Variants in NEB observed in about 807,000 individuals in gnomAD.
The protein encoded by NEB is nemaline myopathy type 2.
In NEB, 512 loss-of-function variants were observed where a neutral mutation model predicts 952.2. That is an observed-to-expected ratio of 0.54 (90% CI 0.50 to 0.58). NEB has a LOEUF of 0.58. Among genes scored for constraint, NEB ranks in the 20% least tolerant of loss-of-function variants. The pLI is 0.00. For synonymous variants in NEB, 2,900 were observed against 3,149.8 expected (o/e 0.92, Z 2.66); for missense variants, 8,428 against 9,231.1 (o/e 0.91, Z 3.56).
intron 10 of NEB, chr2:151,716,157 T>G (rs1559560131): frequency 2.3e-6 from 1 of 440,382 alleles, no homozygotes; most frequent in Non-Finnish European, 4.5e-6. Flanking sequence ...TTTCTCTTTT[T>G]GAGACAGTTT....
intron 107 of NEB, among the ~76,000 whole-genome samples, chr2:151,573,357 G>A (rs2096713765): frequency 6.6e-6 from 1 of 152,098 alleles, no homozygotes; most frequent in African/African-American, 2.4e-5. Flanking sequence ...AATTTATCAT[G>A]CAAAAGAGAG....
intron 119 of NEB, 54 bp downstream of exon 119, chr2:151,563,552 A>G (rs2096217416): frequency 6.9e-7 from 1 of 1,453,666 alleles, no homozygotes; most frequent in South Asian, 1.1e-5. Flanking sequence ...ACAGGCAGAC[A>G]CGGCAGCACA....
Position 151,531,876 on chromosome 2 carries a change from A to T in NEB, c.21438T>A (p.Tyr7146Ter). Residue 7146 changes from tyrosine to a stop codon, truncating the protein, a stop_gained, in exon 144 of 182, where the codon TAT becomes TAA. Coordinates refer to ENST00000397345, the MANE Select transcript of NEB (RefSeq NM_001164508.2). LOFTEE classifies it high-confidence loss of function. ...MWSQIKYRKN[Y>*]EKSKDKFTSI... The stretch of plus-strand genomic sequence containing the variant: ...AGGTAAATTTGTCCTTTGATTTTTC[A>T]TAGTTTTTCCTGTATTTGATCTAAA... 1 of 1,597,394 alleles carries T rather than the reference A, an allele frequency of 6.3e-7. No individual in the cohort carries two copies. The highest frequency in any genetic ancestry group is 8.5e-7 in the Non-Finnish European group (1 of 1,172,454).
At chr2:151,621,500 T>G (rs1185287803) in intron 71 of NEB, among the ~76,000 whole-genome samples, 2 of 152,226 alleles carry the variant, frequency 1.3e-5, no homozygotes, top group African/African-American at 4.8e-5. Context: ...TCTCTGTTAA[T>G]GTTGATTTGC....
chr2:151,656,277 G>A lies in NEB; in HGVS notation c.6371C>T (p.Ala2124Val). Reference protein sequence around the residue: ...HTPADMLSVTAAKDAQANITN... With the variant: ...HTPADMLSVTVAKDAQANITN... Reference sequence around the variant, plus strand: ...GATGTTGGCTTGGGCATCCTTTGCAGCCGTGACACTGAGCATGTCGGCAGG... The same window carrying A: ...GATGTTGGCTTGGGCATCCTTTGCAACCGTGACACTGAGCATGTCGGCAGG... The change falls in exon 49 of 182, where the codon GCT becomes GTT. Residue 2124 changes from alanine (A) to valine (V), a missense_variant. Coordinates refer to ENST00000397345, the MANE Select transcript of NEB (RefSeq NM_001164508.2). 5 of 1,613,582 alleles carry A rather than the reference G, an allele frequency of 3.1e-6. No individual in the cohort carries two copies. Among genetic ancestry groups the A allele is most frequent in the Non-Finnish European group, 4.2e-6 (5 of 1,179,674 alleles).
intron 172 of NEB, 40 bp downstream of exon 172, chr2:151,496,901 A>T (rs1450333673): frequency 2.7e-6 from 4 of 1,497,010 alleles, no homozygotes; most frequent in Non-Finnish European, 3.6e-6. Context: ...AATAGTTTTT[A>T]AAATCAGTAA....
At chr2:151,730,814 C>T (rs956967382) in intron 3 of NEB, among the ~76,000 whole-genome samples, 1 of 152,028 alleles carries the variant, frequency 6.6e-6, no homozygotes, top group Admixed American at 6.6e-5. Flanking sequence ...ATTTCACCTG[C>T]GTTAACAATC....
intron 63 of NEB, among the ~76,000 whole-genome samples, chr2:151,636,810 A>G (rs141221298): frequency 2.6e-5 from 4 of 152,156 alleles, no homozygotes; most frequent in African/African-American, 7.2e-5. Context: ...AAAAAAAAAG[A>G]TACCCATAAA....
intron 28 of NEB, among the ~76,000 whole-genome samples, chr2:151,683,653 T>C (rs1407162691): frequency 6.6e-6 from 1 of 152,196 alleles, no homozygotes; most frequent in African/African-American, 2.4e-5. Flanking sequence ...GAAAACAGTA[T>C]GGTGGTTCCT....
Position 151,696,732 on chromosome 2 carries a change from T to A in NEB, c.1474A>T (p.Thr492Ser). The change falls in exon 17 of 182, where the codon ACC becomes TCC. Residue 492 changes from threonine (T) to serine (S), a missense_variant. Coordinates refer to ENST00000397345, the MANE Select transcript of NEB (RefSeq NM_001164508.2). ...GTCTTATCTGGATGGACTTTGTAGG[T>A]GTGCTGTGGGGAAGCAAAGGCATTT... ...IKKLDQCKDH[T>S]YKVHPDKTKF... 5 of 1,613,388 alleles carry A rather than the reference T, an allele frequency of 3.1e-6. No individual in the cohort carries two copies. The highest frequency in any genetic ancestry group is 4.2e-6 in the Non-Finnish European group (5 of 1,179,390).
At position 151,709,676 on chromosome 2, in the gene NEB, CT is replaced by C; in HGVS notation, c.1014del (p.Ala339LeufsTer8). ...CATACCTTGCTAGCTGCCACACCAG[CT>C]TTTTTATTCATTTTATACTCTGGTG... ...TETPEYKMNK[K>X]AGVAASKVKY... On this transcript the variant is annotated frameshift_variant, in exon 12 of 182. Coordinates refer to ENST00000397345, the MANE Select transcript of NEB (RefSeq NM_001164508.2). LOFTEE classifies it high-confidence loss of function. The C allele has an allele frequency of 6.3e-7, 1 of 1,598,920 alleles. No individual in the cohort carries two copies. Among genetic ancestry groups the C allele is most frequent in the Non-Finnish European group, 8.5e-7 (1 of 1,171,568 alleles).
In NEB at chr2:151,570,540, A is replaced by T; in HGVS notation, c.17075T>A (p.Ile5692Asn). 6.2e-7 allele frequency: 1 copy of T among 1,611,378 alleles called. No individual in the cohort carries two copies. Among genetic ancestry groups the T allele is most frequent in the African/African-American group, 1.3e-5 (1 of 74,890 alleles). The change falls in exon 108 of 182, where the codon ATC becomes AAC. Residue 5692 changes from isoleucine (I) to asparagine (N), a missense_variant. This residue lies in a region of NEB where 3,374 missense variants were observed against 3,651.5 expected (regional missense o/e 0.92). Coordinates refer to ENST00000397345, the MANE Select transcript of NEB (RefSeq NM_001164508.2). ...GGAGGCCTTGGCAGCCTGGATGGGG[A>T]TGGCATCCAGCCGGACATCACAGCC... ...KAGCDVRLDA[I>N]PIQAAKASRE...
chr2:151,495,447 G>GATGCGTGCTA (rs3832166), intron 173 of NEB: 88,998 of 151,238 alleles, frequency 0.59, 26,572 homozygotes, highest in Admixed American at 0.7. Context: ...ACGTTATTCT[G>GATGCGTGCTA]ATGCGTGCTA....
In NEB at chr2:151,697,256, T is replaced by G; in HGVS notation, c.1366-4A>C. ...CGTATTCTGCTTTGTAGTTTTTCTATGAGGAGAAGAAATTAGGCATAAGAT... is the reference window on the plus strand; with the variant it reads ...CGTATTCTGCTTTGTAGTTTTTCTAGGAGGAGAAGAAATTAGGCATAAGAT... On this transcript the variant is annotated splice_region_variant and splice_polypyrimidine_tract_variant and intron_variant, in intron 15 of 181. Coordinates refer to ENST00000397345, the MANE Select transcript of NEB (RefSeq NM_001164508.2). 1 of 1,613,644 alleles carries G rather than the reference T, an allele frequency of 6.2e-7. No homozygotes were observed. The highest frequency in any genetic ancestry group is 8.5e-7 in the Non-Finnish European group (1 of 1,179,574).
chr2:151,673,443 A>G (rs893636111), intron 36 of NEB, among the ~76,000 whole-genome samples: 13 of 151,972 alleles, frequency 8.6e-5, no homozygotes, highest in African/African-American at 2.6e-4. Context: ...TGCTAAAAAA[A>G]AAAAAAGAAA....
chr2:151,623,932 G>A (rs1209982699), intron 71 of NEB, among the ~76,000 whole-genome samples: 1 of 152,118 alleles, frequency 6.6e-6, no homozygotes, highest in Non-Finnish European at 1.5e-5. Context: ...TGCTTCAAAG[G>A]AGAGAACACT....
In NEB at chr2:151,491,760, C is replaced by A; in HGVS notation, c.25073G>T (p.Arg8358Leu). 2 of 1,589,136 alleles carry A rather than the reference C, an allele frequency of 1.3e-6. No homozygotes were observed. The highest frequency in any genetic ancestry group is 1.7e-6 in the Non-Finnish European group (2 of 1,166,796). ...GTCAAAAACCGAACCAGGATTAGTA[C>A]GCCAGACACGTAAACCTGAAAGGGA... The part of the protein sequence containing the change: ...QETITGLRVW[R>L]TNPGSVFDYD... The change falls in exon 179 of 182, where the codon CGT (arginine) becomes CTT (leucine). Residue 8358 changes from arginine (R) to leucine (L), a missense_variant. Physicochemically the swap from Arg to Leu is moderately radical, Grantham distance 102. Transcript: ENST00000397345.
intron 29 of NEB, among the ~76,000 whole-genome samples, chr2:151,682,188 T>A (rs189051720): frequency 1.8e-4 from 27 of 152,328 alleles, no homozygotes; most frequent in Admixed American, 2.6e-4. Context: ...AATCAGTGGT[T>A]GCCTGGGGCT....
In NEB at chr2:151,656,430, C is replaced by T; in HGVS notation, c.6218G>A (p.Gly2073Glu). The change falls in exon 49 of 182, where the codon GGG (glycine) becomes GAG (glutamate). Residue 2073 changes from glycine to glutamate, a missense_variant. Gly to Glu is a moderately conservative substitution (Grantham distance 98). Around this residue, in one of 11 missense-constraint regions of NEB, gnomAD observed 2,851 missense variants for 2,791.5 expected, o/e 1.02. Coordinates refer to ENST00000397345, the MANE Select transcript of NEB (RefSeq NM_001164508.2). Reference protein sequence around the residue: ...KYKYNYEKGKGKMVGFRSLED... With the variant: ...KYKYNYEKGKEKMVGFRSLED... ...GAGACTGCGGAAACCAACCATTTTCCCCTTCCCTTTTTCATAATTGTACTT... is the reference window on the plus strand; with the variant it reads ...GAGACTGCGGAAACCAACCATTTTCTCCTTCCCTTTTTCATAATTGTACTT... 1 of 1,612,486 alleles carries T rather than the reference C, an allele frequency of 6.2e-7. No individual in the cohort carries two copies. The highest frequency in any genetic ancestry group is 8.5e-7 in the Non-Finnish European group (1 of 1,178,994).
Sources: gnomAD v4.1 joint callset for allele counts (sites outside exome capture counted in the v4.1 genomes callset) on GRCh38, gnomAD v4.1.1 for gene constraint, gnomAD v4.1.1 regional missense constraint, MANE v1.5 for transcripts, NCBI Gene and HGNC (gene_info 2026-07-23, HGNC 2026-07-21) for gene names.